Variants in SUGCT observed in about 807,000 individuals in gnomAD.
SUGCT encodes succinyl-CoA:glutarate CoA-transferase.
Under a neutral mutation model 55.0 loss-of-function variants are expected in SUGCT, and 41 were observed. That is an observed-to-expected ratio of 0.74 (90% CI 0.58 to 0.97). SUGCT has a LOEUF of 0.97. Ranked by LOEUF, SUGCT falls within the 50% of genes least tolerant of loss-of-function variation. The pLI, the probability that SUGCT is intolerant of heterozygous loss-of-function variation, is 0.00. For synonymous variants in SUGCT, 187 were observed against 200.4 expected, an observed-to-expected ratio of 0.93 and a Z score of 0.56; for missense variants, 568 against 547.8, an observed-to-expected ratio of 1.04 and a Z score of -0.37.
intron 9 of SUGCT, among the ~76,000 whole-genome samples, chr7:40,355,126 T>G (rs924943510): frequency 5.3e-5 from 8 of 152,170 alleles, no homozygotes; most frequent in African/African-American, 1.9e-4. Flanking sequence ...GCCACCAGAT[T>G]CTGCCAACCT....
chr7:40,802,204 A>AAT (rs565203327), intron 13 of SUGCT, among the ~76,000 whole-genome samples: 18 of 152,100 alleles, frequency 1.2e-4, no homozygotes, highest in Non-Finnish European at 2.5e-4. Context: ...AGACCAGACA[A>AAT]ATGAATTGAA....
chr7:40,844,150 G>C (rs1474541916), intron 13 of SUGCT, among the ~76,000 whole-genome samples: 1 of 152,122 alleles, frequency 6.6e-6, no homozygotes, highest in Non-Finnish European at 1.5e-5. Flanking sequence ...TGTCTGGGAA[G>C]GGGTGTCTGC....
Position 40,245,117 on chromosome 7 carries a change from T to C in SUGCT, c.576+7391T>C, listed in dbSNP as rs1362193257. On this transcript the variant is annotated intron_variant, in intron 7 of 13. Coordinates refer to ENST00000335693, the MANE Select transcript of SUGCT (RefSeq NM_001193313.2). The stretch of plus-strand genomic sequence containing the variant: ...TTGCCCAGGCTGGAGTGCAGTGGCA[T>C]GATCTCGGCTCACTGCAACCTTCGC... 1.5e-4 allele frequency among the ~76,000 whole-genome samples: 23 copies of C among 151,542 alleles called. 1 individual carries two copies. The highest frequency in any genetic ancestry group is 1.5e-3 in the Admixed American group (23 of 15,170).
the SUGCT span, among the ~76,000 whole-genome samples, chr7:41,024,882 T>C: frequency 2.0e-5 from 3 of 152,160 alleles, no homozygotes; most frequent in East Asian, 5.8e-4. Flanking sequence ...TCACTGCACA[T>C]TGTTCGTTAA....
intron 10 of SUGCT, among the ~76,000 whole-genome samples, chr7:40,455,569 C>A (rs1033852955): frequency 2.0e-5 from 3 of 152,086 alleles, no homozygotes; most frequent in Admixed American, 6.5e-5. Context: ...AATTATGGAC[C>A]AGTTTTTGTC....
chr7:40,239,366 C>A (rs1270623842), intron 7 of SUGCT, among the ~76,000 whole-genome samples: 1 of 152,174 alleles, frequency 6.6e-6, no homozygotes, highest in African/African-American at 2.4e-5. Flanking sequence ...AGCTGCTGTA[C>A]CCTGCTGGCC....
At chr7:40,977,604 C>T in the SUGCT span, among the ~76,000 whole-genome samples, 1 of 152,146 alleles carries the variant, frequency 6.6e-6, no homozygotes, top group African/African-American at 2.4e-5. Flanking sequence ...TATGAACAAG[C>T]TTACAAGGTG....
At chr7:40,971,500 T>C in the SUGCT span, among the ~76,000 whole-genome samples, 1 of 152,170 alleles carries the variant, frequency 6.6e-6, no homozygotes, top group Non-Finnish European at 1.5e-5. Context: ...CTGGAAGGGA[T>C]AAGCAGAAGA....
At chr7:40,771,099 A>G (rs1456141625) in intron 13 of SUGCT, among the ~76,000 whole-genome samples, 1 of 152,206 alleles carries the variant, frequency 6.6e-6, no homozygotes, top group East Asian at 1.9e-4. Context: ...AGTTTTCTAG[A>G]AATTCCCAGG....
chr7:40,427,267 A>T (rs1787633787), intron 9 of SUGCT, among the ~76,000 whole-genome samples: 2 of 152,156 alleles, frequency 1.3e-5, no homozygotes, highest in Non-Finnish European at 2.9e-5. Context: ...AATAATTATG[A>T]TCCTCTATGG....
the SUGCT span, among the ~76,000 whole-genome samples, chr7:40,991,715 A>G: frequency 6.6e-6 from 1 of 152,146 alleles, no homozygotes; most frequent in African/African-American, 2.4e-5. Context: ...ATGCCCCCAT[A>G]TTGGTTTAAG....
At chr7:40,274,488 T>C in intron 7 of SUGCT, 25 bp from the exon 8 acceptor site, 1 of 1,597,210 alleles carries the variant, frequency 6.3e-7, no homozygotes, top group Admixed American at 1.8e-5. Context: ...TTATTTCTTC[T>C]TTCTCAACCC....
At chr7:40,327,033 G>T (rs542766438) in intron 9 of SUGCT, among the ~76,000 whole-genome samples, 20 of 152,302 alleles carry the variant, frequency 1.3e-4, no homozygotes, top group Middle Eastern at 6.8e-3. Context: ...TGATAGCAAA[G>T]ACATTAGATT....
chr7:40,476,660 T>C (rs1790699433), intron 11 of SUGCT, among the ~76,000 whole-genome samples: 1 of 152,142 alleles, frequency 6.6e-6, no homozygotes, highest in African/African-American at 2.4e-5. Context: ...TACTAAGGGA[T>C]TTTGATTTTT....
intron 6 of SUGCT, among the ~76,000 whole-genome samples, chr7:40,211,331 A>AG (rs763602374): frequency 6.6e-6 from 1 of 152,260 alleles, no homozygotes; most frequent in East Asian, 1.9e-4. Context: ...CTCCTGCCTC[A>AG]GCCTCCCTAG....
intron 9 of SUGCT, among the ~76,000 whole-genome samples, chr7:40,333,623 C>A (rs190903345): frequency 1.1e-5 from 1 of 94,890 alleles, no homozygotes. Flanking sequence ...GGTGACAGGG[C>A]GAGACTCTGT....
chr7:40,663,673 C>T (rs1801454762), intron 12 of SUGCT, among the ~76,000 whole-genome samples: 1 of 152,114 alleles, frequency 6.6e-6, no homozygotes, highest in African/African-American at 2.4e-5. Context: ...CTGGTTGTCC[C>T]TTAGATCCTC....
intron 1 of SUGCT, among the ~76,000 whole-genome samples, chr7:40,142,245 G>A (rs1327239728): frequency 6.6e-6 from 1 of 152,156 alleles, no homozygotes; most frequent in Non-Finnish European, 1.5e-5. Context: ...ATTGAAAAAG[G>A]TTGCTTTACC....
chr7:40,727,984 C>A (rs1202925615), intron 12 of SUGCT, among the ~76,000 whole-genome samples: 1 of 152,040 alleles, frequency 6.6e-6, no homozygotes, highest in East Asian at 1.9e-4. Flanking sequence ...TAGACAGGTT[C>A]TTACCAATTA....
Sources: allele counts gnomAD v4.1 joint callset (sites outside exome capture counted in the v4.1 genomes callset), GRCh38; gene constraint gnomAD v4.1.1; transcripts MANE v1.5; gene names NCBI Gene and HGNC (gene_info 2026-07-23, HGNC 2026-07-21).